The following GRM4 variants were observed in gnomAD, a reference collection of about 807,000 sequenced individuals.
The protein encoded by GRM4 is metabotropic glutamate receptor 4.
GRM4 carries 28 observed loss-of-function variants against 81.7 expected under a neutral mutation model. That is an observed-to-expected ratio of 0.34 (90% CI 0.25 to 0.47). The LOEUF (loss-of-function observed/expected upper bound fraction) is 0.47, where lower values mean the gene tolerates loss of function less well. Among genes scored for constraint, GRM4 ranks in the 20% least tolerant of loss-of-function variants. The probability of loss-of-function intolerance (pLI) is 1.00; values close to 1 mark genes in which losing one functional copy is unlikely to be tolerated. For synonymous variants in GRM4, 488 were observed against 528.8 expected, an observed-to-expected ratio of 0.92 and a Z score of 1.06; for missense variants, 948 against 1,290.0, an observed-to-expected ratio of 0.73 and a Z score of 4.06.
chr6:34,072,990 C>T (rs564614352), intron 3 of GRM4, among the ~76,000 whole-genome samples: 813 of 49,138 alleles, frequency 0.017, 2 homozygotes, highest in Admixed American at 0.027. Flanking sequence ...ATACCACACA[C>T]ACACATCACA....
rs550034856 is a variant in GRM4 at position 34,036,631 on chromosome 6, C to A, written c.1507-28G>T. On this transcript the variant is annotated intron_variant, in intron 8 of 10. Transcript: ENST00000538487. This position sits in a 1 kb window ranked among gnomAD's most constrained non-coding sequence, Gnocchi z 9.0. ...GGCAATGACAGCACCGTAAAGCAGG[C>A]CTCAGAACATGCCACCCGGTGCCCC... The A allele has an allele frequency of 2.3e-6, 3 of 1,326,350 alleles. No individual in the cohort carries two copies. In the South Asian group the frequency reaches 3.9e-5, roughly 17 times the overall value. 82.2% of individuals were successfully genotyped at this position (1,326,350 alleles called of 1,614,324 possible).
Position 34,022,837 on chromosome 6 carries a change from G to C in GRM4, c.2723C>G (p.Thr908Ser), listed in dbSNP as rs748113478. Residue 908 changes from threonine (T) to serine (S), a missense_variant, in exon 11 of 11, where the codon ACC becomes AGC. Thr to Ser is a moderately conservative substitution (Grantham distance 58, BLOSUM62 1). Coordinates refer to ENST00000538487, the MANE Select transcript of GRM4 (RefSeq NM_000841.4). The surrounding 1 kb of genome is among the most constrained non-coding windows in gnomAD (Gnocchi z 5.6). ...ATGGACTCGCTAGATTGCATGGTTGGTGTAAGTGACGTAAGTCTGTTTGGT... is the reference window on the plus strand; with the variant it reads ...ATGGACTCGCTAGATTGCATGGTTGCTGTAAGTGACGTAAGTCTGTTTGGT... The part of the protein sequence containing the change: ...LATKQTYVTY[T>S]NHAI 8.7e-6 allele frequency: 14 copies of C among 1,614,016 alleles called. 1 individual carries two copies. In the Middle Eastern group the frequency reaches 2.1e-3, roughly 247 times the overall value.
At chr6:34,118,772 A>AT (rs1295215473) in intron 2 of GRM4, among the ~76,000 whole-genome samples, 5 of 152,184 alleles carry the variant, frequency 3.3e-5, no homozygotes, top group Non-Finnish European at 5.9e-5. Context: ...TAAAATATGC[A>AT]TTTTTTAATT....
In GRM4 at chr6:34,155,212, G is replaced by A. The variant is rs992575985; in HGVS notation, c.179C>T (p.Thr60Ile). Reference sequence around the variant, plus strand: ...CTCTCCTGGCAGGGAGGGGCCTCTTGTGCGCACCCACACACACCGGCAAAA... The same window carrying A: ...CTCTCCTGGCAGGGAGGGGCCTCTTATGCGCACCCACACACACCGGCAAAA... Residue 60 changes from threonine (T) to isoleucine (I), a missense_variant, in exon 1 of 9, where the codon ACA (threonine) becomes ATA (isoleucine). Coordinates refer to the GRM4 transcript ENST00000374177. 6 of 1,535,532 alleles carry A rather than the reference G, an allele frequency of 3.9e-6. 1 individual carries two copies. The highest frequency in any genetic ancestry group is 2.4e-5 in the South Asian group (2 of 83,934).
At chr6:34,033,176 C>A (rs1562010680) in intron 9 of GRM4, among the ~76,000 whole-genome samples, 1 of 152,194 alleles carries the variant, frequency 6.6e-6, no homozygotes, top group Non-Finnish European at 1.5e-5. Flanking sequence ...TGCACCAGGG[C>A]TGCTTGGCTC....
At chr6:34,057,532 G>A (rs1765966066) in intron 5 of GRM4, among the ~76,000 whole-genome samples, 1 of 152,206 alleles carries the variant, frequency 6.6e-6, no homozygotes, top group Non-Finnish European at 1.5e-5. Context: ...GGGCCATCCT[G>A]TGCACCGTAC....
At chr6:34,071,514 TACCC>T (rs1221273634) in intron 3 of GRM4, among the ~76,000 whole-genome samples, 1 of 1,966 alleles carries the variant, frequency 5.1e-4, no homozygotes, top group East Asian at 0.019. Context: ...ACACCACACA[TACCC>T]ACACATCACC....
At chr6:34,122,037 G>A (rs1279418047) in intron 2 of GRM4, among the ~76,000 whole-genome samples, 1 of 152,090 alleles carries the variant, frequency 6.6e-6, no homozygotes, top group Non-Finnish European at 1.5e-5. Flanking sequence ...ATCAAGGTAT[G>A]AGGCAGGCGG....
At position 34,115,343 on chromosome 6, in the gene GRM4, T is replaced by C. The variant is rs1464214794; in HGVS notation, c.519+17635A>G. On this transcript the variant is annotated intron_variant, in intron 2 of 10. Coordinates refer to ENST00000538487, the MANE Select transcript of GRM4 (RefSeq NM_000841.4). This position sits in a 1 kb window ranked among gnomAD's most constrained non-coding sequence, Gnocchi z 4.1. ...CTGAATTATTTATTCCCTACATTGT[T>C]AGCGCAGTAGAGAGAGCAACCGTGT... Among the ~76,000 whole-genome samples the C allele has an allele frequency of 6.6e-6, 1 of 152,188 alleles. No individual in the cohort carries two copies. The highest frequency in any genetic ancestry group is 2.4e-5 in the African/African-American group (1 of 41,446).
intron 2 of GRM4, chr6:34,099,990 C>T (rs944754025): frequency 1.1e-4 from 104 of 916,310 alleles, no homozygotes; most frequent in Non-Finnish European, 1.3e-4. Context: ...TGCCTAGGCA[C>T]TCACCTCAGG....
intron 1 of GRM4, among the ~76,000 whole-genome samples, chr6:34,140,998 T>C (rs1396789739): frequency 1.3e-5 from 2 of 152,222 alleles, no homozygotes; most frequent in African/African-American, 4.8e-5. Flanking sequence ...TGAGAAGCAA[T>C]CACCCTCCAC....
intron 2 of GRM4, among the ~76,000 whole-genome samples, chr6:34,124,795 G>A (rs1277630438): frequency 1.3e-5 from 2 of 152,148 alleles, no homozygotes; most frequent in Non-Finnish European, 2.9e-5. Context: ...GTGAGTTCCA[G>A]ATGGGAGACA....
chr6:34,087,248 GTC>G (rs1043419031), intron 3 of GRM4, among the ~76,000 whole-genome samples: 1 of 150,624 alleles, frequency 6.6e-6, no homozygotes, highest in Non-Finnish European at 1.5e-5. Context: ...GTGAAACCCC[GTC>G]TCTACTAAAT....
chr6:34,042,033 C>G lies in GRM4; in HGVS notation c.1169-1285G>C, dbSNP rs531524261. Among the ~76,000 whole-genome samples, 3 of 152,260 alleles carry G rather than the reference C, an allele frequency of 2.0e-5. No homozygotes were observed. Among genetic ancestry groups the G allele is most frequent in the Non-Finnish European group, 4.4e-5 (3 of 68,012 alleles). On this transcript the variant is annotated intron_variant, in intron 6 of 10. Transcript: ENST00000538487. The surrounding 1 kb of genome is among the most constrained non-coding windows in gnomAD (Gnocchi z 4.2). ...TTGGGAGACTGAGGTGGGTGGATCACTTGAGGTCAGGAGTTCAAGACCAGC... is the reference window on the plus strand; with the variant it reads ...TTGGGAGACTGAGGTGGGTGGATCAGTTGAGGTCAGGAGTTCAAGACCAGC...
At chr6:34,110,638 C>T in intron 2 of GRM4, 2 of 1,140,498 alleles carry the variant, frequency 1.8e-6, no homozygotes, top group African/African-American at 1.5e-5. Context: ...TACCCCCTTA[C>T]CATACCCCTT....
At chr6:34,026,016 A>G (rs1764115196) in intron 10 of GRM4, among the ~76,000 whole-genome samples, 1 of 152,142 alleles carries the variant, frequency 6.6e-6, no homozygotes, top group African/African-American at 2.4e-5. Context: ...GGTGCTGACA[A>G]TAGGCCCTGG....
chr6:34,117,310 G>A (rs1284027451), intron 2 of GRM4, among the ~76,000 whole-genome samples: 1 of 152,170 alleles, frequency 6.6e-6, no homozygotes, highest in Non-Finnish European at 1.5e-5. Flanking sequence ...AGGGCCGGAG[G>A]GAGGGAACAA....
intron 1 of GRM4, among the ~76,000 whole-genome samples, chr6:34,140,664 C>A (rs1770644944): frequency 6.6e-6 from 1 of 152,202 alleles, no homozygotes; most frequent in Non-Finnish European, 1.5e-5. Context: ...ATCCAGCAAG[C>A]CCCAACCATG....
In GRM4 at chr6:34,040,640, T is replaced by A. The variant is rs1764973085; in HGVS notation, c.1277A>T (p.Asp426Val). ...MGHALHAMHR[D>V]LCPGRVGLCP... The stretch of plus-strand genomic sequence containing the variant: ...GAGCCCCACGCGGCCGGGACACAGG[T>A]CACGGTGCATGGCGTGCAGCGCGTG... The change falls in exon 7 of 11, where the codon GAC becomes GTC. Residue 426 changes from aspartate to valine, a missense_variant. Coordinates refer to ENST00000538487, the MANE Select transcript of GRM4 (RefSeq NM_000841.4). The A allele has an allele frequency of 6.2e-7, 1 of 1,614,004 alleles. No homozygotes were observed. The highest frequency in any genetic ancestry group is 1.3e-5 in the African/African-American group (1 of 74,938).
Sources: allele counts gnomAD v4.1 joint callset (sites outside exome capture counted in the v4.1 genomes callset), GRCh38; gene constraint gnomAD v4.1.1; non-coding constraint Gnocchi (gnomAD v3.1); transcripts MANE v1.5; gene names NCBI Gene and HGNC (gene_info 2026-07-23, HGNC 2026-07-21).